The following TBL1XR1 variants were observed in gnomAD, a reference collection of about 807,000 sequenced individuals.
TBL1XR1 encodes TBL1X/Y related 1.
Under a neutral mutation model 66.9 loss-of-function variants are expected in TBL1XR1, and 5 were observed. The ratio of observed to expected loss-of-function variants is 0.07; its 90% CI spans 0.04 to 0.16. The LOEUF is 0.16. Among genes scored for constraint, TBL1XR1 ranks in the 10% least tolerant of loss-of-function variants. The pLI is 1.00. For missense variants in TBL1XR1, 238 were observed against 623.2 expected (o/e 0.38, Z 6.58); for synonymous variants, 210 against 206.0 (o/e 1.02, Z -0.17).
At chr3:177,106,790 C>T (rs980923886) in intron 1 of TBL1XR1, among the ~76,000 whole-genome samples, 1 of 152,170 alleles carries the variant, frequency 6.6e-6, no homozygotes, top group Admixed American at 6.5e-5. Context: ...CCACTTTTCC[C>T]TTGGCTGTGT....
chr3:177,064,614 G>C (rs1437399322), intron 3 of TBL1XR1, among the ~76,000 whole-genome samples: 1 of 152,190 alleles, frequency 6.6e-6, no homozygotes, highest in East Asian at 1.9e-4. Flanking sequence ...TTATCAAACT[G>C]ATGGTGGCTA....
chr3:177,075,246 T>C (rs1287625064), intron 2 of TBL1XR1, among the ~76,000 whole-genome samples: 1 of 152,230 alleles, frequency 6.6e-6, no homozygotes, highest in Admixed American at 6.5e-5. Context: ...TCTGCCTCCA[T>C]TTTCACATGG....
At chr3:177,088,575 T>G (rs765221941) in intron 2 of TBL1XR1, among the ~76,000 whole-genome samples, 1 of 152,218 alleles carries the variant, frequency 6.6e-6, no homozygotes. Context: ...AAGCTTTCTC[T>G]GCCTTTCACG....
chr3:177,118,673 T>C (rs1037406439), intron 1 of TBL1XR1, among the ~76,000 whole-genome samples: 2 of 152,254 alleles, frequency 1.3e-5, no homozygotes, highest in Non-Finnish European at 2.9e-5. Context: ...GAATGTGTAC[T>C]ATTTGCCATG....
intron 10 of TBL1XR1, among the ~76,000 whole-genome samples, chr3:177,044,038 C>CA (rs1715982350): frequency 6.6e-6 from 1 of 152,130 alleles, no homozygotes; most frequent in Admixed American, 6.6e-5. Flanking sequence ...GATGCTCTGT[C>CA]ACCACACCCT....
chr3:177,034,150 C>T lies in TBL1XR1; in HGVS notation c.1250+48G>A. 1.9e-6 allele frequency: 3 copies of T among 1,541,488 alleles called. No individual in the cohort carries two copies. In the Admixed American group the frequency reaches 6.7e-5, roughly 34 times the overall value. On this transcript the variant is annotated intron_variant, in intron 13 of 15. Transcript: ENST00000457928. ...AACTTCTGTCATATCTATTGGAAGT[C>T]TGATTTGTAGAAGACTCATAAAAGG...
chr3:177,027,615 C>A (rs1332799582), intron 14 of TBL1XR1: 1 of 132,334 alleles, frequency 7.6e-6, no homozygotes, highest in Non-Finnish European at 1.6e-5. Flanking sequence ...GGCAGATCTA[C>A]TTAAAAGCAC....
chr3:177,131,016 C>T lies in TBL1XR1; in HGVS notation c.-121-32475G>A, dbSNP rs141677176. ...GTCTCTAAAATAAAAAATTTTAAAA[C>T]GTACTGAGGCTTATCACGCAGTCAG... On this transcript the variant is annotated intron_variant, in intron 1 of 15. Transcript: ENST00000457928. Among the ~76,000 whole-genome samples, 471 of 152,202 alleles carry T rather than the reference C, an allele frequency of 3.1e-3. 4 individuals are homozygous for T. Among genetic ancestry groups the T allele is most frequent in the African/African-American group, 0.011 (452 of 41,536 alleles).
intron 7 of TBL1XR1, among the ~76,000 whole-genome samples, chr3:177,049,442 T>C (rs1450645852): frequency 6.6e-6 from 1 of 152,174 alleles, no homozygotes. Context: ...CTGAAAGATG[T>C]TGAATCATAC....
At chr3:177,123,877 CAAAG>C (rs1011820081) in intron 1 of TBL1XR1, among the ~76,000 whole-genome samples, 6 of 152,020 alleles carry the variant, frequency 3.9e-5, no homozygotes, top group African/African-American at 1.4e-4. Context: ...GAAAGGATGA[CAAAG>C]AAATTCCATT....
At position 177,065,030 on chromosome 3, in the gene TBL1XR1, T is replaced by TA. The variant is rs1479357075; in HGVS notation, c.-45-9dup. Reference sequence around the variant, plus strand: ...ACAACACAGGATATAACCCTAAAAATAAAACAAAGTTAATTATTTTCTCAG... The same window carrying TA: ...ACAACACAGGATATAACCCTAAAAATAAAAACAAAGTTAATTATTTTCTCAG... On this transcript the variant is annotated splice_polypyrimidine_tract_variant and intron_variant, in intron 2 of 15. Transcript: ENST00000457928. 7.2e-7 allele frequency: 1 copy of TA among 1,384,274 alleles called. No individual in the cohort carries two copies. Among genetic ancestry groups the TA allele is most frequent in the Admixed American group, 3.6e-5 (1 of 27,820 alleles). 85.7% of individuals were successfully genotyped at this position (1,384,274 alleles called of 1,614,324 possible). A position where few individuals can be genotyped will look rare whatever the true frequency, so the allele number is the denominator to read the frequency against.
At chr3:177,168,957 CCT>C (rs1283675921) in intron 1 of TBL1XR1, among the ~76,000 whole-genome samples, 2 of 152,018 alleles carry the variant, frequency 1.3e-5, no homozygotes, top group Non-Finnish European at 2.9e-5. Flanking sequence ...ATCCAACTAC[CCT>C]CTAGTCAGTC....
chr3:177,144,386 G>A (rs1178784321), intron 1 of TBL1XR1, among the ~76,000 whole-genome samples: 1 of 152,090 alleles, frequency 6.6e-6, no homozygotes, highest in Non-Finnish European at 1.5e-5. Context: ...TTTCTGTAAA[G>A]GGCCAGATAG....
chr3:177,174,345 C>T (rs554426582), intron 1 of TBL1XR1, among the ~76,000 whole-genome samples: 3 of 134,170 alleles, frequency 2.2e-5, no homozygotes, highest in African/African-American at 8.3e-5. Flanking sequence ...GGAGGCAGAG[C>T]TTGCAGTGAG....
At chr3:177,192,910 T>C (rs1218185791) in intron 1 of TBL1XR1, among the ~76,000 whole-genome samples, 5 of 152,138 alleles carry the variant, frequency 3.3e-5, no homozygotes, top group African/African-American at 9.7e-5. Context: ...CCCAGCCCTT[T>C]GGGAGGCCGA....
At chr3:177,182,097 A>G (rs1734896043) in intron 1 of TBL1XR1, among the ~76,000 whole-genome samples, 1 of 152,212 alleles carries the variant, frequency 6.6e-6, no homozygotes, top group Non-Finnish European at 1.5e-5. Context: ...AAATTCTTAC[A>G]GCACAGCCAG....
At chr3:177,062,818 G>GT (rs1219248742) in intron 3 of TBL1XR1, among the ~76,000 whole-genome samples, 3 of 152,010 alleles carry the variant, frequency 2.0e-5, no homozygotes, top group East Asian at 3.9e-4. Context: ...ATTTTGAAGG[G>GT]TTTTTTCTCT....
At chr3:177,135,348 T>A (rs1468482731) in intron 1 of TBL1XR1, among the ~76,000 whole-genome samples, 1 of 27,132 alleles carries the variant, frequency 3.7e-5, no homozygotes, top group Non-Finnish European at 6.5e-5. Context: ...CATATATATA[T>A]ATATATATAT....
intron 2 of TBL1XR1, among the ~76,000 whole-genome samples, chr3:177,081,343 T>C (rs530662247): frequency 6.6e-6 from 1 of 152,362 alleles, no homozygotes; most frequent in South Asian, 2.1e-4. Flanking sequence ...AGAAATCACA[T>C]GGATATACAG....
Sources: allele counts gnomAD v4.1 joint callset (sites outside exome capture counted in the v4.1 genomes callset), GRCh38; gene constraint gnomAD v4.1.1; transcripts MANE v1.5; gene names NCBI Gene and HGNC (gene_info 2026-07-23, HGNC 2026-07-21).